The following CECR2 variants were observed in gnomAD, a reference collection of about 807,000 sequenced individuals.
The protein encoded by CECR2 is CECR2 histone acetyl-lysine reader.
In CECR2, 30 loss-of-function variants were observed where a neutral mutation model predicts 154.5. The observed-to-expected ratio is 0.19, with a 90% CI of 0.15 to 0.26. The LOEUF (loss-of-function observed/expected upper bound fraction) is 0.26. Ranked by LOEUF, CECR2 falls within the 10% of genes least tolerant of loss-of-function variation. CECR2 has a pLI of 1.00. For missense variants in CECR2, 1,743 were observed against 1,829.3 expected, an observed-to-expected ratio of 0.95 and a Z score of 0.86; for synonymous variants, 725 against 683.7, an observed-to-expected ratio of 1.06 and a Z score of -0.94.
At chr22:17,402,281 G>A (rs144477500) in intron 1 of CECR2, among the ~76,000 whole-genome samples, 15 of 151,876 alleles carry the variant, frequency 9.9e-5, no homozygotes, top group African/African-American at 3.6e-4. Context: ...CACTGTGCCT[G>A]GCCAACATTT....
chr22:17,493,346 G>A (rs2055565325), intron 2 of CECR2, among the ~76,000 whole-genome samples: 1 of 152,178 alleles, frequency 6.6e-6, no homozygotes, highest in South Asian at 2.1e-4. Flanking sequence ...GAGAAAGTAT[G>A]TAGTCTTTAT....
At chr22:17,441,899 G>T (rs1364933506) in intron 1 of CECR2, among the ~76,000 whole-genome samples, 1 of 152,164 alleles carries the variant, frequency 6.6e-6, no homozygotes, top group Non-Finnish European at 1.5e-5. Context: ...GTTCCATAGG[G>T]AGGTGATATC....
intron 1 of CECR2, among the ~76,000 whole-genome samples, chr22:17,465,137 C>T (rs892517445): frequency 1.3e-5 from 2 of 151,698 alleles, no homozygotes; most frequent in Admixed American, 6.6e-5. Flanking sequence ...GCTGGGACTA[C>T]AGGCGCCCAC....
chr22:17,544,741 C>T (rs185313947), intron 16 of CECR2, among the ~76,000 whole-genome samples: 54 of 122,926 alleles, frequency 4.4e-4, no homozygotes, highest in Middle Eastern at 0.011. Flanking sequence ...ACCCGGGAGG[C>T]GGAGGTTGCA....
At chr22:17,396,190 C>T (rs1371005048) in intron 1 of CECR2, among the ~76,000 whole-genome samples, 1 of 147,154 alleles carries the variant, frequency 6.8e-6, no homozygotes, top group African/African-American at 2.5e-5. Flanking sequence ...TGTAGTAAGC[C>T]ATGATCATAC....
intron 1 of CECR2, chr22:17,477,136 G>A: frequency 1.4e-6 from 1 of 726,282 alleles, no homozygotes; most frequent in Non-Finnish European, 2.6e-6. Context: ...TAAAGCTGTT[G>A]CAGATGGTTT....
intron 1 of CECR2, among the ~76,000 whole-genome samples, chr22:17,440,522 T>C: frequency 6.6e-6 from 1 of 152,158 alleles, no homozygotes; most frequent in East Asian, 1.9e-4. Flanking sequence ...GAACTAAAAT[T>C]TGAGTGGAAT....
intron 1 of CECR2, among the ~76,000 whole-genome samples, chr22:17,392,836 T>TC (rs2063339866): frequency 6.6e-6 from 1 of 151,842 alleles, no homozygotes; most frequent in Non-Finnish European, 1.5e-5. Context: ...GGTCAGGAGT[T>TC]CAAGACCAGC....
chr22:17,536,066 T>C (rs1442072072), intron 9 of CECR2, among the ~76,000 whole-genome samples: 1 of 152,012 alleles, frequency 6.6e-6, no homozygotes, highest in East Asian at 1.9e-4. Context: ...CTGACCAACA[T>C]GGAGAAACCC....
At chr22:17,373,428 AT>A (rs1407439502) in intron 1 of CECR2, among the ~76,000 whole-genome samples, 9 of 152,336 alleles carry the variant, frequency 5.9e-5, no homozygotes, top group African/African-American at 2.2e-4. Context: ...GAAAATTATC[AT>A]AAAATACAGG....
chr22:17,448,931 G>A (rs1055446409), intron 1 of CECR2, among the ~76,000 whole-genome samples: 3 of 151,824 alleles, frequency 2.0e-5, no homozygotes, highest in Non-Finnish European at 4.4e-5. Context: ...CCAGGCTGAG[G>A]TACCGTGGCA....
chr22:17,479,400 G>A (rs1016985198), intron 2 of CECR2, among the ~76,000 whole-genome samples: 4 of 152,110 alleles, frequency 2.6e-5, no homozygotes, highest in Admixed American at 6.6e-5. Context: ...GGAGGTCCAT[G>A]AATCATTACA....
intron 1 of CECR2, among the ~76,000 whole-genome samples, chr22:17,459,700 T>A (rs1266403553): frequency 1.3e-5 from 2 of 152,218 alleles, no homozygotes; most frequent in Admixed American, 6.5e-5. Context: ...TATAGTTGCT[T>A]CTTTGTAGCC....
At chr22:17,490,912 C>A (rs1569116966) in intron 2 of CECR2, among the ~76,000 whole-genome samples, 1 of 152,002 alleles carries the variant, frequency 6.6e-6, no homozygotes, top group East Asian at 1.9e-4. Context: ...TTCCCAGCGT[C>A]ACTATTCTTA....
chr22:17,478,161 G>GAT (rs1198891270), intron 2 of CECR2, among the ~76,000 whole-genome samples: 9 of 152,032 alleles, frequency 5.9e-5, no homozygotes, highest in Non-Finnish European at 1.2e-4. Flanking sequence ...GGAGAGTCCT[G>GAT]ATAGGACCTC....
intron 1 of CECR2, among the ~76,000 whole-genome samples, chr22:17,377,235 C>T (rs909279063): frequency 1.3e-5 from 2 of 152,116 alleles, no homozygotes; most frequent in Non-Finnish European, 2.9e-5. Flanking sequence ...GGTGTGTTTG[C>T]AAATTATAGG....
chr22:17,468,126 G>T (rs34623323), intron 1 of CECR2, among the ~76,000 whole-genome samples: 1 of 152,166 alleles, frequency 6.6e-6, no homozygotes, highest in East Asian at 1.9e-4. Context: ...AACAGCAGGT[G>T]CCTGTGTTAA....
chr22:17,447,529 G>A (rs1269874122), intron 1 of CECR2, among the ~76,000 whole-genome samples: 2 of 151,998 alleles, frequency 1.3e-5, no homozygotes, highest in Non-Finnish European at 2.9e-5. Flanking sequence ...CTGGGCAACA[G>A]AGCAAGAACT....
At chr22:17,441,955 G>T (rs2054591080) in intron 1 of CECR2, among the ~76,000 whole-genome samples, 2 of 152,152 alleles carry the variant, frequency 1.3e-5, no homozygotes, top group Admixed American at 1.3e-4. Flanking sequence ...ACAAGGAAAG[G>T]ATTTGGATGT....
Sources: gnomAD v4.1 joint callset for allele counts (sites outside exome capture counted in the v4.1 genomes callset) on GRCh38, gnomAD v4.1.1 for gene constraint, MANE v1.5 for transcripts, NCBI Gene and HGNC (gene_info 2026-07-23, HGNC 2026-07-21) for gene names.